The following NCKAP5 variants were observed in gnomAD, a reference collection of about 807,000 sequenced individuals.
NCKAP5 encodes the protein NCK associated protein 5.
NCKAP5 carries 92 observed loss-of-function variants against 167.0 expected under a neutral mutation model. The ratio of observed to expected loss-of-function variants is 0.55; its 90% CI spans 0.47 to 0.66. NCKAP5 has a LOEUF of 0.66. Ranked by LOEUF, NCKAP5 falls within the 30% of genes least tolerant of loss-of-function variation. NCKAP5 has a pLI of 0.00. For missense variants in NCKAP5, 2,378 were observed against 2,315.0 expected, an observed-to-expected ratio of 1.03 and a Z score of -0.56; for synonymous variants, 891 against 877.4, an observed-to-expected ratio of 1.02 and a Z score of -0.27.
intron 11 of NCKAP5, among the ~76,000 whole-genome samples, chr2:132,800,761 T>A (rs1684963556): frequency 6.6e-6 from 1 of 152,186 alleles, no homozygotes; most frequent in Non-Finnish European, 1.5e-5. Context: ...CCTTGAGGAA[T>A]TGGACTGCCT....
intron 6 of NCKAP5, among the ~76,000 whole-genome samples, chr2:133,095,266 T>C (rs1380233828): frequency 2.6e-5 from 4 of 152,240 alleles, no homozygotes; most frequent in Admixed American, 2.6e-4. Flanking sequence ...TTCATTCCTT[T>C]GAACTGTTCC....
At chr2:133,184,565 TA>T (rs988211344) in intron 5 of NCKAP5, among the ~76,000 whole-genome samples, 28 of 152,300 alleles carry the variant, frequency 1.8e-4, no homozygotes, top group African/African-American at 6.5e-4. Context: ...GGGACTGAAC[TA>T]ATATGCATTC....
In NCKAP5 at chr2:133,252,398, G is replaced by A. The variant is rs545681568; in HGVS notation, c.144-38619C>T. Among the ~76,000 whole-genome samples, 35 of 152,198 alleles carry A rather than the reference G, an allele frequency of 2.3e-4. 1 individual carries two copies. The South Asian group carries it at 7.1e-3, about 31-fold the overall frequency. ...TGACTTGAACTTCCATTTTCACTACGGGGCTCTCTTTCTAGTCACAGCCAA... is the reference window on the plus strand; with the variant it reads ...TGACTTGAACTTCCATTTTCACTACAGGGCTCTCTTTCTAGTCACAGCCAA... On this transcript the variant is annotated intron_variant, in intron 4 of 19. Transcript: ENST00000409261.
intron 6 of NCKAP5, among the ~76,000 whole-genome samples, chr2:133,050,332 G>C (rs965410989): frequency 1.3e-5 from 2 of 152,090 alleles, no homozygotes; most frequent in African/African-American, 4.8e-5. Context: ...AAAAAATGGG[G>C]GAGAAAACAA....
At chr2:133,160,360 T>C (rs1181892781) in intron 5 of NCKAP5, among the ~76,000 whole-genome samples, 1 of 151,880 alleles carries the variant, frequency 6.6e-6, no homozygotes, top group East Asian at 1.9e-4. Flanking sequence ...TGACTTCATC[T>C]TAATAAATTA....
At chr2:132,711,111 G>T (rs908112873) in intron 19 of NCKAP5, among the ~76,000 whole-genome samples, 18 of 152,186 alleles carry the variant, frequency 1.2e-4, no homozygotes, top group African/African-American at 4.1e-4. Flanking sequence ...TCCTCATGTT[G>T]TTTAAATGTC....
At chr2:132,878,253 G>A (rs1262497462) in intron 9 of NCKAP5, among the ~76,000 whole-genome samples, 1 of 152,090 alleles carries the variant, frequency 6.6e-6, no homozygotes, top group Non-Finnish European at 1.5e-5. Flanking sequence ...TTATCATCAC[G>A]TAATATTTAT....
Position 132,751,642 on chromosome 2 carries a change from A to G in NCKAP5, c.5129-19591T>C, listed in dbSNP as rs189880339. Among the ~76,000 whole-genome samples, 9 of 152,290 alleles carry G rather than the reference A, an allele frequency of 5.9e-5. No individual in the cohort carries two copies. The East Asian group carries it at 1.7e-3, about 29-fold the overall frequency. ...GGCCTCCATCATCCTGGGACACTTC[A>G]TTCAACTTAGCAGGGTTCCATTGCT... is the stretch of plus-strand genomic sequence containing the variant. On this transcript the variant is annotated intron_variant, in intron 16 of 19. Coordinates refer to ENST00000409261, the MANE Select transcript of NCKAP5 (RefSeq NM_207363.3).
chr2:133,553,479 T>G (rs56260098), intron 2 of NCKAP5, among the ~76,000 whole-genome samples: 42,806 of 151,764 alleles, frequency 0.28, 6,439 homozygotes, highest in East Asian at 0.38. Flanking sequence ...GAAATAGGGG[T>G]TGAAAAAGAA....
intron 6 of NCKAP5, among the ~76,000 whole-genome samples, chr2:133,020,522 T>C (rs2078490455): frequency 6.6e-6 from 1 of 152,040 alleles, no homozygotes; most frequent in South Asian, 2.1e-4. Context: ...AGAAGAAACT[T>C]TGGGGTTCAG....
At chr2:133,173,304 C>T (rs1054738620) in intron 5 of NCKAP5, among the ~76,000 whole-genome samples, 3 of 152,112 alleles carry the variant, frequency 2.0e-5, no homozygotes, top group Non-Finnish European at 4.4e-5. Flanking sequence ...AAGAAAATGG[C>T]TATGGAAATA....
chr2:132,978,372 A>G (rs1462647688), intron 7 of NCKAP5, among the ~76,000 whole-genome samples: 1 of 152,136 alleles, frequency 6.6e-6, no homozygotes, highest in African/African-American at 2.4e-5. Context: ...TAGGGAGGGG[A>G]AAGTAGAAAA....
At chr2:133,272,000 C>A (rs12621649) in intron 4 of NCKAP5, among the ~76,000 whole-genome samples, 15,300 of 151,788 alleles carry the variant, frequency 0.1, 1,023 homozygotes, top group Middle Eastern at 0.19. Flanking sequence ...TTTAATTTTT[C>A]TATATATTTG....
At chr2:133,252,976 G>A (rs1356281381) in intron 4 of NCKAP5, among the ~76,000 whole-genome samples, 1 of 152,332 alleles carries the variant, frequency 6.6e-6, no homozygotes, top group African/African-American at 2.4e-5. Context: ...CACGTGAGGT[G>A]AAGACTCTGT....
intron 11 of NCKAP5, among the ~76,000 whole-genome samples, chr2:132,831,370 A>C (rs1687513166): frequency 6.6e-6 from 1 of 152,216 alleles, no homozygotes; most frequent in South Asian, 2.1e-4. Context: ...ATAAAGAGCC[A>C]AATTACCTTT....
At position 132,860,575 on chromosome 2, in the gene NCKAP5, C is replaced by A. The variant is rs1689812490; in HGVS notation, c.724G>T (p.Val242Leu). 6.3e-7 allele frequency: 1 copy of A among 1,582,394 alleles called. No homozygotes were observed. The highest frequency in any genetic ancestry group is 1.2e-5 in the South Asian group (1 of 86,390). ...CGATTCTGCTGTTCCAAATCAAACA[C>A]TCTTGTTTTCAACTTCACACATTCC... The part of the protein sequence containing the change: ...REECVKLKTR[V>L]FDLEQQNRTL... The change falls in exon 11 of 20, where the codon GTG becomes TTG. Residue 242 changes from valine to leucine, a missense_variant. Coordinates refer to ENST00000409261, the MANE Select transcript of NCKAP5 (RefSeq NM_207363.3).
At chr2:133,369,895 G>T (rs1430857170) in intron 3 of NCKAP5, among the ~76,000 whole-genome samples, 2 of 152,212 alleles carry the variant, frequency 1.3e-5, no homozygotes, top group Non-Finnish European at 1.5e-5. Context: ...TTTAAGAAAT[G>T]ATTTATCTTC....
In NCKAP5 at chr2:132,870,604, T is replaced by G. The variant is rs975277310; in HGVS notation, c.649-1630A>C. Among the ~76,000 whole-genome samples the G allele has an allele frequency of 5.9e-5, 9 of 152,064 alleles. 1 individual carries two copies. The highest frequency in any genetic ancestry group is 6.6e-5 in the Admixed American group (1 of 15,250). ...ATTATAACACAGTGTGACAAACATC[T>G]AATCATCATGGTAATTCTTACAGTC... is the stretch of plus-strand genomic sequence containing the variant. On this transcript the variant is annotated intron_variant, in intron 9 of 19. Coordinates refer to ENST00000409261, the MANE Select transcript of NCKAP5 (RefSeq NM_207363.3).
At chr2:133,303,209 T>C (rs1052704596) in intron 3 of NCKAP5, 99 bp from the exon 4 acceptor site, 2 of 758,328 alleles carry the variant, frequency 2.6e-6, no homozygotes, top group Non-Finnish European at 2.3e-6. Flanking sequence ...TTGACAACAT[T>C]ATCCCTACTT....
Sources: allele counts gnomAD v4.1 joint callset (sites outside exome capture counted in the v4.1 genomes callset), GRCh38; gene constraint gnomAD v4.1.1; transcripts MANE v1.5; gene names NCBI Gene and HGNC (gene_info 2026-07-23, HGNC 2026-07-21).